Variants in VPS50 observed in about 807,000 individuals in gnomAD.
VPS50 encodes syndetin.
In VPS50, 70 loss-of-function variants were observed where a neutral mutation model predicts 139.7. The ratio of observed to expected loss-of-function variants is 0.50; its 90% confidence interval spans 0.41 to 0.61. VPS50 has a LOEUF of 0.61. VPS50 is among the 20% of genes least tolerant of loss of function. The probability of loss-of-function intolerance (pLI) is 0.00; values close to 1 mark genes in which losing one functional copy is unlikely to be tolerated. For missense variants in VPS50, 921 were observed against 1,133.7 expected (o/e 0.81, Z 2.69); for synonymous variants, 365 against 376.7 (o/e 0.97, Z 0.36).
chr7:93,311,879 A>G (rs1306950144), intron 20 of VPS50, among the ~76,000 whole-genome samples: 2 of 152,102 alleles, frequency 1.3e-5, no homozygotes, highest in African/African-American at 4.8e-5. Context: ...TAGCCTTTGT[A>G]TCTCACAAAT....
chr7:93,334,755 C>T (rs976254214), intron 22 of VPS50, among the ~76,000 whole-genome samples: 1 of 152,198 alleles, frequency 6.6e-6, no homozygotes, highest in African/African-American at 2.4e-5. Flanking sequence ...GGATGAAATA[C>T]ATGTTTTAAG....
At chr7:93,238,842 G>A (rs748267069) in intron 1 of VPS50, among the ~76,000 whole-genome samples, 21 of 152,140 alleles carry the variant, frequency 1.4e-4, no homozygotes, top group Non-Finnish European at 2.5e-4. Context: ...AGTGGTAAGT[G>A]TGCCTGAGAG....
At chr7:93,330,133 G>A (rs941588843) in intron 21 of VPS50, among the ~76,000 whole-genome samples, 1 of 152,170 alleles carries the variant, frequency 6.6e-6, no homozygotes, top group Non-Finnish European at 1.5e-5. Context: ...AAAGTATGTG[G>A]GGGGTTATGA....
At chr7:93,249,658 A>G (rs1303454410) in intron 2 of VPS50, among the ~76,000 whole-genome samples, 1 of 152,136 alleles carries the variant, frequency 6.6e-6, no homozygotes, top group Non-Finnish European at 1.5e-5. Flanking sequence ...ATGTTGCTGC[A>G]GACTGCAGAA....
chr7:93,274,163 C>T (rs937239682), intron 11 of VPS50, among the ~76,000 whole-genome samples: 4 of 152,114 alleles, frequency 2.6e-5, no homozygotes, highest in African/African-American at 9.7e-5. Flanking sequence ...ATGTCTCTCA[C>T]TTTAAATCAA....
rs1797137104 is a variant in VPS50, at chr7:93,307,064, T to A, written c.1629+1060T>A. On this transcript the variant is annotated intron_variant, in intron 18 of 27. Coordinates refer to ENST00000305866, the MANE Select transcript of VPS50 (RefSeq NM_017667.4). ...ATAAAAGTGATTCATTAATTAAAAC[T>A]TAGATAGCATTTGATTCTCATTATT... Among the ~76,000 whole-genome samples the A allele has an allele frequency of 2.0e-5, 3 of 151,930 alleles. No individual in the cohort carries two copies. In the South Asian group the frequency reaches 6.2e-4, roughly 31 times the overall value.
chr7:93,316,484 C>T (rs1797432351), intron 20 of VPS50, among the ~76,000 whole-genome samples: 1 of 152,084 alleles, frequency 6.6e-6, no homozygotes, highest in African/African-American at 2.4e-5. Context: ...AGGACATAAG[C>T]CTGGATATGG....
At position 93,349,843 on chromosome 7, in the gene VPS50, A is replaced by G; in HGVS notation, c.2305-32A>G. ...TATCAATATGATACTTTTAGAAAAT[A>G]ATTGTTTTCATTTTTGTGAAATTTA... On this transcript the variant is annotated intron_variant, in intron 24 of 27. Transcript: ENST00000305866. The G allele has an allele frequency of 1.3e-6, 2 of 1,572,828 alleles. 1 individual carries two copies. The highest frequency in any genetic ancestry group is 3.4e-4 in the Middle Eastern group (2 of 5,926).
At chr7:93,275,558 A>G (rs566894304) in intron 11 of VPS50, among the ~76,000 whole-genome samples, 5 of 152,118 alleles carry the variant, frequency 3.3e-5, no homozygotes, top group Non-Finnish European at 7.4e-5. Flanking sequence ...ATTAAGGTTT[A>G]TATGTTGTTT....
At chr7:93,237,527 T>A (rs768908493) in intron 1 of VPS50, among the ~76,000 whole-genome samples, 2 of 152,212 alleles carry the variant, frequency 1.3e-5, no homozygotes, top group Non-Finnish European at 2.9e-5. Context: ...GATATTGGTA[T>A]ATATCACGTT....
chr7:93,317,413 G>C (rs749104200), intron 20 of VPS50, among the ~76,000 whole-genome samples: 1 of 152,094 alleles, frequency 6.6e-6, no homozygotes, highest in Non-Finnish European at 1.5e-5. Context: ...AGCCAGATGT[G>C]GTGGGGCACT....
chr7:93,262,228 T>C (rs1401984936), intron 9 of VPS50, among the ~76,000 whole-genome samples: 1 of 152,190 alleles, frequency 6.6e-6, no homozygotes, highest in Non-Finnish European at 1.5e-5. Flanking sequence ...AGGTGATGTG[T>C]TGAAACTTTT....
intron 12 of VPS50, among the ~76,000 whole-genome samples, chr7:93,288,742 C>G (rs1796564937): frequency 6.6e-6 from 1 of 152,030 alleles, no homozygotes. Context: ...ACTGATTCAA[C>G]TTTGATTTAT....
chr7:93,332,204 A>G (rs1314554961), intron 21 of VPS50, among the ~76,000 whole-genome samples: 1 of 152,220 alleles, frequency 6.6e-6, no homozygotes, highest in Non-Finnish European at 1.5e-5. Flanking sequence ...GTGGTGGCCA[A>G]TTCATTTTCT....
chr7:93,308,044 T>TA (rs962171105), intron 18 of VPS50, among the ~76,000 whole-genome samples: 1 of 151,914 alleles, frequency 6.6e-6, no homozygotes, highest in African/African-American at 2.4e-5. Context: ...AATACTTGGT[T>TA]AAAAACTCAG....
chr7:93,334,319 G>A, intron 22 of VPS50, 122 bp downstream of exon 22: 1 of 628,590 alleles, frequency 1.6e-6, no homozygotes, highest in Non-Finnish European at 2.8e-6. Context: ...AATTAAATGA[G>A]TGCATATAGG....
At chr7:93,252,363 CT>C (rs36078028) in intron 2 of VPS50, among the ~76,000 whole-genome samples, 2 of 151,704 alleles carry the variant, frequency 1.3e-5, no homozygotes, top group Non-Finnish European at 2.9e-5. Context: ...TAGGTAGTCA[CT>C]TTTTTTTCTT....
intron 9 of VPS50, among the ~76,000 whole-genome samples, chr7:93,264,082 C>T (rs1238437818): frequency 6.6e-6 from 1 of 152,066 alleles, no homozygotes; most frequent in African/African-American, 2.4e-5. Flanking sequence ...TATGGAGGGT[C>T]TCAGAATAAT....
At chr7:93,301,499 A>G (rs1796974390) in intron 16 of VPS50, among the ~76,000 whole-genome samples, 1 of 152,012 alleles carries the variant, frequency 6.6e-6, no homozygotes, top group Admixed American at 6.6e-5. Context: ...TACATTTTTT[A>G]TGCCTAGGGT....
Sources: gnomAD v4.1 joint callset for allele counts (sites outside exome capture counted in the v4.1 genomes callset) on GRCh38, gnomAD v4.1.1 for gene constraint, MANE v1.5 for transcripts, NCBI Gene and HGNC (gene_info 2026-07-23, HGNC 2026-07-21) for gene names.